RTN1: variants seen among roughly 807,000 people sequenced by gnomAD.
RTN1 encodes the protein reticulon-1.
RTN1 carries 25 observed loss-of-function variants against 65.5 expected under a neutral mutation model. The observed-to-expected ratio is 0.38, with a 90% CI of 0.28 to 0.53. The LOEUF (loss-of-function observed/expected upper bound fraction) is 0.53, where lower values mean the gene tolerates loss of function less well. Ranked by LOEUF, RTN1 falls within the 20% of genes least tolerant of loss-of-function variation. The pLI is 0.79. For synonymous variants in RTN1, 471 were observed against 447.6 expected (o/e 1.05, Z -0.66); for missense variants, 983 against 1,025.4 (o/e 0.96, Z 0.57).
rs751867745 is a variant in RTN1, at chr14:59,746,365, A to C, written c.358T>G (p.Ser120Ala). ...SDICYPPQED[S>A]TYFTGILQKE... ...TGAAGAATTCCAGTAAAATATGTAG[A>C]ATCCTCCTGAGGTGGATAGCAGATG... The change falls in exon 2 of 9, where the codon TCT (serine) becomes GCT (alanine). Residue 120 changes from serine (S) to alanine (A), a missense_variant. Transcript: ENST00000267484. 2 of 1,614,086 alleles carry C rather than the reference A, an allele frequency of 1.2e-6. No homozygotes were observed. Among genetic ancestry groups the C allele is most frequent in the Non-Finnish European group, 8.5e-7 (1 of 1,179,992 alleles).
chr14:59,675,149 A>G (rs1412615252), intron 3 of RTN1, among the ~76,000 whole-genome samples: 1 of 152,122 alleles, frequency 6.6e-6, no homozygotes, highest in African/African-American at 2.4e-5. Flanking sequence ...TGGTGCACAG[A>G]GGAGTGGTGG....
At chr14:59,608,275 G>C (rs1881830598) in intron 3 of RTN1, among the ~76,000 whole-genome samples, 2 of 152,172 alleles carry the variant, frequency 1.3e-5, no homozygotes, top group South Asian at 4.1e-4. Context: ...AGAGAAATAA[G>C]ATGCAAAATT....
At chr14:59,797,299 A>G (rs575543040) in intron 1 of RTN1, among the ~76,000 whole-genome samples, 163 of 152,306 alleles carry the variant, frequency 1.1e-3, no homozygotes, top group African/African-American at 3.8e-3. Flanking sequence ...TCCTTTGTCC[A>G]ACAACAATCT....
intron 1 of RTN1, among the ~76,000 whole-genome samples, chr14:59,838,075 T>C (rs1187945210): frequency 6.6e-6 from 1 of 152,144 alleles, no homozygotes; most frequent in Non-Finnish European, 1.5e-5. Flanking sequence ...ACCCAATAGG[T>C]AGTTTTTCGG....
intron 2 of RTN1, among the ~76,000 whole-genome samples, chr14:59,744,994 C>T (rs1386375500): frequency 1.3e-5 from 2 of 152,160 alleles, no homozygotes; most frequent in East Asian, 3.8e-4. Flanking sequence ...ACGATGAAGG[C>T]TCTGCCTTCA....
chr14:59,718,010 C>T (rs916206968), intron 3 of RTN1, among the ~76,000 whole-genome samples: 3 of 152,216 alleles, frequency 2.0e-5, no homozygotes, highest in African/African-American at 7.2e-5. Flanking sequence ...TTTCAACAAA[C>T]TGCTTCCGAT....
At chr14:59,604,763 A>T (rs561837044) in intron 5 of RTN1, 2 of 152,274 alleles carry the variant, frequency 1.3e-5, no homozygotes, top group African/African-American at 4.8e-5. Context: ...ACCATGCCGA[A>T]TCACGATTGA....
rs1884799784 is a variant in RTN1, at chr14:59,727,455, T to C, written c.1229A>G (p.Asp410Gly). The change falls in exon 3 of 9, where the codon GAC becomes GGC. Residue 410 changes from aspartate (D) to glycine (G), a missense_variant. Asp to Gly is a moderately conservative substitution (Grantham distance 94). Around this residue, in one of 2 missense-constraint regions of RTN1, gnomAD observed 818 missense variants for 801.8 expected, o/e 1.02. Coordinates refer to ENST00000267484, the MANE Select transcript of RTN1 (RefSeq NM_021136.3). The surrounding 1 kb of genome is among the most constrained non-coding windows in gnomAD (Gnocchi z 4.2). ...DHEASSAESG[D>G]SEIELVSEDP... ...CTCGGACACCAGCTCGATCTCTGAG[T>C]CCCCCGACTCCGCGCTGCTGGCCTC... 6.4e-7 allele frequency: 1 copy of C among 1,559,720 alleles called. No individual in the cohort carries two copies. The highest frequency in any genetic ancestry group is 1.4e-5 in the African/African-American group (1 of 73,774).
At chr14:59,746,564 C>G in intron 1 of RTN1, 83 bp from the exon 2 acceptor site, 1 of 1,181,624 alleles carries the variant, frequency 8.5e-7, no homozygotes, top group South Asian at 1.5e-5. Flanking sequence ...CCACCCCTGC[C>G]TGGTGAAGAC....
Position 59,836,513 on chromosome 14 carries a change from T to C in RTN1, c.241+33877A>G, listed in dbSNP as rs183949988. ...GTTTTGGCTTTCTTGCTTTCATCTA[T>C]GGATGGGCTAAAATTTGTTGCTATT... On this transcript the variant is annotated intron_variant, in intron 1 of 8. Coordinates refer to ENST00000267484, the MANE Select transcript of RTN1 (RefSeq NM_021136.3). The surrounding 1 kb of genome is among the most constrained non-coding windows in gnomAD (Gnocchi z 4.9). Among the ~76,000 whole-genome samples the C allele has an allele frequency of 1.3e-5, 2 of 152,334 alleles. No individual in the cohort carries two copies. The highest frequency in any genetic ancestry group is 1.9e-4 in the East Asian group (1 of 5,188).
At chr14:59,618,410 C>CT (rs1312325905) in intron 3 of RTN1, among the ~76,000 whole-genome samples, 20 of 152,186 alleles carry the variant, frequency 1.3e-4, no homozygotes, top group South Asian at 1.0e-3. Context: ...CAGGAACTGA[C>CT]TGAGCACAAG....
At chr14:59,659,620 A>T (rs1255744041) in intron 3 of RTN1, among the ~76,000 whole-genome samples, 1 of 152,242 alleles carries the variant, frequency 6.6e-6, no homozygotes, top group African/African-American at 2.4e-5. Context: ...TCAACCCAGA[A>T]TTTCATATCC....
At chr14:59,863,014 C>T (rs1887736616) in intron 1 of RTN1, among the ~76,000 whole-genome samples, 1 of 152,088 alleles carries the variant, frequency 6.6e-6, no homozygotes, top group Non-Finnish European at 1.5e-5. Flanking sequence ...CTCTGTCTTT[C>T]CTCCATTATA....
At chr14:59,675,534 A>T (rs1179517201) in intron 3 of RTN1, among the ~76,000 whole-genome samples, 1 of 145,090 alleles carries the variant, frequency 6.9e-6, no homozygotes, top group Admixed American at 7.0e-5. Context: ...TAACACTCAC[A>T]ATTAAATTGT....
intron 3 of RTN1, among the ~76,000 whole-genome samples, chr14:59,703,177 C>T (rs61164679): frequency 0.39 from 59,626 of 151,924 alleles, 11,936 homozygotes; most frequent in Middle Eastern, 0.48. Context: ...CAGAGTCTTA[C>T]CACTTTCTAG....
At chr14:59,757,806 G>C (rs373924402) in intron 1 of RTN1, among the ~76,000 whole-genome samples, 3 of 152,212 alleles carry the variant, frequency 2.0e-5, no homozygotes, top group South Asian at 2.1e-4. Flanking sequence ...AAGCCACCTA[G>C]TTTATGGTGT....
At chr14:59,844,633 T>A (rs1471478828) in intron 1 of RTN1, among the ~76,000 whole-genome samples, 3 of 152,044 alleles carry the variant, frequency 2.0e-5, no homozygotes, top group African/African-American at 7.2e-5. Context: ...ACAGAGTGAG[T>A]TCTAGAGATG....
chr14:59,834,433 A>G (rs189724493), intron 1 of RTN1, among the ~76,000 whole-genome samples: 31 of 152,336 alleles, frequency 2.0e-4, no homozygotes, highest in African/African-American at 7.2e-4. Context: ...CAAGCCACAG[A>G]CTGGGAGAAA....
chr14:59,609,987 T>C (rs534673114), intron 3 of RTN1: 26 of 659,062 alleles, frequency 3.9e-5, no homozygotes, highest in Middle Eastern at 4.9e-4. Flanking sequence ...GGGGCACTCC[T>C]TAGTGTGAAG....
Sources: gnomAD v4.1 joint callset for allele counts (sites outside exome capture counted in the v4.1 genomes callset) on GRCh38, gnomAD v4.1.1 for gene constraint, gnomAD v4.1.1 regional missense constraint, Gnocchi (gnomAD v3.1) non-coding constraint, MANE v1.5 for transcripts, NCBI Gene and HGNC (gene_info 2026-07-23, HGNC 2026-07-21) for gene names.